PLS1: variants seen among roughly 807,000 people sequenced by gnomAD.
The protein encoded by PLS1 is plastin 1, also known as plastin-1.
A neutral mutation model predicts 73.7 loss-of-function variants in PLS1; 32 were observed. The observed-to-expected ratio is 0.43, with a 90% CI of 0.33 to 0.58. The LOEUF (loss-of-function observed/expected upper bound fraction) is 0.58, where lower values mean the gene tolerates loss of function less well. Ranked by LOEUF, PLS1 falls within the 20% of genes least tolerant of loss-of-function variation. PLS1 has a pLI of 0.04. For missense variants in PLS1, 633 were observed against 740.5 expected, an observed-to-expected ratio of 0.85 and a Z score of 1.68; for synonymous variants, 217 against 261.3, an observed-to-expected ratio of 0.83 and a Z score of 1.63.
chr3:142,610,680 T>C (rs183674874), intron 1 of PLS1, among the ~76,000 whole-genome samples: 1 of 152,314 alleles, frequency 6.6e-6, no homozygotes, highest in Admixed American at 6.5e-5. Flanking sequence ...GGCCTCAAAT[T>C]CCACCATTAG....
At chr3:142,644,907 C>T (rs2108622125) in intron 1 of PLS1, among the ~76,000 whole-genome samples, 1 of 152,270 alleles carries the variant, frequency 6.6e-6, no homozygotes, top group South Asian at 2.1e-4. Flanking sequence ...TTTACTCCTC[C>T]AGAAGCAAAA....
chr3:142,699,502 T>C (rs1479113551), intron 12 of PLS1, among the ~76,000 whole-genome samples: 1 of 152,082 alleles, frequency 6.6e-6, no homozygotes, highest in East Asian at 1.9e-4. Context: ...GATGGGTTGA[T>C]GGGTGCAGAA....
At chr3:142,687,951 GTTT>G (rs35592296) in intron 9 of PLS1, among the ~76,000 whole-genome samples, 1 of 137,482 alleles carries the variant, frequency 7.3e-6, no homozygotes, top group African/African-American at 2.7e-5. Flanking sequence ...TTATTTGTTT[GTTT>G]TTTTTTTTTT....
chr3:142,709,577 G>A (rs1933014378), intron 14 of PLS1, among the ~76,000 whole-genome samples: 1 of 152,154 alleles, frequency 6.6e-6, no homozygotes, highest in African/African-American at 2.4e-5. Context: ...ACCACGGTGG[G>A]AGGCCGAGGC....
chr3:142,643,283 A>G (rs372493223), intron 1 of PLS1, among the ~76,000 whole-genome samples: 1 of 152,204 alleles, frequency 6.6e-6, no homozygotes, highest in Non-Finnish European at 1.5e-5. Flanking sequence ...TCTCTTGCAG[A>G]GAAGAGCTTT....
intron 1 of PLS1, among the ~76,000 whole-genome samples, chr3:142,629,523 A>C (rs1217715879): frequency 3.9e-5 from 6 of 152,080 alleles, no homozygotes; most frequent in Non-Finnish European, 5.9e-5. Flanking sequence ...ATTTATATAA[A>C]GTTCCTGGCA....
At chr3:142,664,443 C>A in intron 2 of PLS1, 136 bp downstream of exon 2, 1 of 512,580 alleles carries the variant, frequency 2.0e-6, no homozygotes, top group South Asian at 2.6e-5. Flanking sequence ...ATCTAGGTTT[C>A]ACTGGATTCT....
intron 1 of PLS1, among the ~76,000 whole-genome samples, chr3:142,603,702 T>G (rs532471832): frequency 7.9e-5 from 12 of 151,378 alleles, no homozygotes; most frequent in Non-Finnish European, 1.6e-4. Context: ...CCCAGGAGAT[T>G]GAGGCTGCAG....
At chr3:142,637,252 T>C (rs1306091596) in intron 1 of PLS1, among the ~76,000 whole-genome samples, 3 of 152,158 alleles carry the variant, frequency 2.0e-5, no homozygotes, top group Non-Finnish European at 4.4e-5. Flanking sequence ...TCTCAAAATA[T>C]TTATGCTGAC....
intron 1 of PLS1, among the ~76,000 whole-genome samples, chr3:142,652,008 G>C (rs180953812): frequency 9.9e-5 from 15 of 152,222 alleles, no homozygotes; most frequent in East Asian, 9.7e-4. Flanking sequence ...GGATTTCCAG[G>C]GGGTAGGCAT....
intron 9 of PLS1, among the ~76,000 whole-genome samples, chr3:142,688,795 TCTC>T (rs1560069990): frequency 6.6e-6 from 1 of 152,238 alleles, no homozygotes; most frequent in Non-Finnish European, 1.5e-5. Flanking sequence ...ATTCATCTAC[TCTC>T]CTGTTTATAG....
intron 1 of PLS1, among the ~76,000 whole-genome samples, chr3:142,649,593 G>A (rs552702065): frequency 1.4e-3 from 209 of 151,404 alleles, no homozygotes; most frequent in African/African-American, 4.9e-3. Context: ...AGCTGAGATC[G>A]CACCACTGAA....
intron 13 of PLS1, 37 bp downstream of exon 13, chr3:142,704,038 T>A (rs1436484466): frequency 6.3e-7 from 1 of 1,591,320 alleles, no homozygotes; most frequent in Non-Finnish European, 8.6e-7. Flanking sequence ...ACTGCCTGTT[T>A]CCTCCAACAA....
intron 11 of PLS1, among the ~76,000 whole-genome samples, chr3:142,696,908 T>C (rs2038222054): frequency 6.6e-6 from 1 of 152,064 alleles, no homozygotes; most frequent in Admixed American, 6.6e-5. Flanking sequence ...ATTCAGATCT[T>C]AATTACCTTC....
intron 6 of PLS1, among the ~76,000 whole-genome samples, chr3:142,678,353 T>C (rs2037768290): frequency 6.6e-6 from 1 of 150,576 alleles, no homozygotes; most frequent in African/African-American, 2.4e-5. Context: ...ACATGTGCCA[T>C]GCTGGTGTGC....
chr3:142,632,453 GTGAT>G (rs938725073), intron 1 of PLS1, among the ~76,000 whole-genome samples: 1 of 152,178 alleles, frequency 6.6e-6, no homozygotes, highest in African/African-American at 2.4e-5. Context: ...GGGATGCAGA[GTGAT>G]TGGACCCCTT....
intron 1 of PLS1, among the ~76,000 whole-genome samples, chr3:142,631,020 C>T (rs753266579): frequency 6.7e-6 from 1 of 149,774 alleles, no homozygotes; most frequent in Non-Finnish European, 1.5e-5. Flanking sequence ...AAGACTTATA[C>T]GATGGGGCAG....
At chr3:142,663,560 A>C (rs927455167) in intron 1 of PLS1, among the ~76,000 whole-genome samples, 17 of 152,180 alleles carry the variant, frequency 1.1e-4, no homozygotes, top group African/African-American at 4.1e-4. Flanking sequence ...TTAGCTGGGT[A>C]CAGTGGCACA....
intron 6 of PLS1, among the ~76,000 whole-genome samples, chr3:142,679,797 C>A (rs2037808666): frequency 6.6e-6 from 1 of 152,084 alleles, no homozygotes; most frequent in Non-Finnish European, 1.5e-5. Flanking sequence ...GTAGTTTTTT[C>A]CAATTCTGTG....
Sources: gnomAD v4.1 joint callset for allele counts (sites outside exome capture counted in the v4.1 genomes callset) on GRCh38, gnomAD v4.1.1 for gene constraint, MANE v1.5 for transcripts, NCBI Gene and HGNC (gene_info 2026-07-23, HGNC 2026-07-21) for gene names.